The following ULK4 variants were observed in gnomAD, a reference collection of about 807,000 sequenced individuals.
The protein encoded by ULK4 is unc-51 like kinase 4.
A neutral mutation model predicts 160.6 loss-of-function variants in ULK4; 133 were observed. The observed-to-expected ratio is 0.83, with a 90% CI of 0.72 to 0.96. The LOEUF (loss-of-function observed/expected upper bound fraction) is 0.96, where lower values mean the gene tolerates loss of function less well. ULK4 is among the 40% of genes least tolerant of loss of function. ULK4 has a pLI of 0.00. For missense variants in ULK4, 1,580 were observed against 1,499.5 expected (o/e 1.05, Z -0.89); for synonymous variants, 534 against 539.8 (o/e 0.99, Z 0.15).
chr3:41,587,270 A>G (rs758427833), intron 31 of ULK4, among the ~76,000 whole-genome samples: 5 of 152,100 alleles, frequency 3.3e-5, no homozygotes, highest in Non-Finnish European at 7.4e-5. Context: ...TCCTTCTCAT[A>G]TTTTGAGTAT....
At position 41,919,756 on chromosome 3, in the gene ULK4, G is replaced by C. The variant is rs772637488; in HGVS notation, c.604C>G (p.Leu202Val). ...RGADFSISSD[L>V]WSLGCLLYEM... ...TAAAGCAGACAGCCCAAAGACCAGA[G>C]GTCACTGGAGATGGAAAAGTCAGCA... Residue 202 changes from leucine to valine, a missense_variant, in exon 6 of 37, where the codon CTC becomes GTC. Transcript: ENST00000301831. 8.1e-6 allele frequency: 13 copies of C among 1,614,128 alleles called. No homozygotes were observed. The South Asian group carries it at 1.4e-4, about 18-fold the overall frequency.
intron 22 of ULK4, among the ~76,000 whole-genome samples, chr3:41,736,016 T>G (rs1045170286): frequency 6.6e-6 from 1 of 151,770 alleles, no homozygotes; most frequent in Non-Finnish European, 1.5e-5. Context: ...ACAAAGGACA[T>G]GAACTCATCA....
intron 35 of ULK4, among the ~76,000 whole-genome samples, chr3:41,362,409 A>T (rs1394872870): frequency 6.6e-6 from 1 of 152,230 alleles, no homozygotes; most frequent in Non-Finnish European, 1.5e-5. Flanking sequence ...CATTCGAATC[A>T]GCAACACATT....
chr3:41,918,512 A>G lies in ULK4; in HGVS notation c.672T>C (p.Ile224=), dbSNP rs56044827. Reference sequence around the variant, plus strand: ...ATAAGATCTTTTCAGTTAATTCTGAAATACTTTCTGAGAAGAATGGAGGTT... The same window carrying G: ...ATAAGATCTTTTCAGTTAATTCTGAGATACTTTCTGAGAAGAATGGAGGTT... ...SGKPPFFSES[I]SELTEKILCE... Residue 224 remains isoleucine, a synonymous_variant, in exon 7 of 37, where the codon ATT becomes ATC. Coordinates refer to ENST00000301831, the MANE Select transcript of ULK4 (RefSeq NM_017886.4). 0.018 allele frequency: 28,535 copies of G among 1,589,532 alleles called. 305 individuals are homozygous for G. The highest frequency in any genetic ancestry group is 0.022 in the Non-Finnish European group (25,466 of 1,170,144).
chr3:41,453,928 C>T (rs1306792312), intron 34 of ULK4, among the ~76,000 whole-genome samples: 1 of 145,204 alleles, frequency 6.9e-6, no homozygotes, highest in Non-Finnish European at 1.5e-5. Flanking sequence ...ATCACAGGGA[C>T]AAAAAACCAA....
At chr3:41,303,586 T>C (rs1021556109) in intron 35 of ULK4, among the ~76,000 whole-genome samples, 1 of 152,178 alleles carries the variant, frequency 6.6e-6, no homozygotes, top group African/African-American at 2.4e-5. Context: ...CAAATGGAAG[T>C]GAGTTTCTGC....
intron 30 of ULK4, among the ~76,000 whole-genome samples, chr3:41,659,306 G>A (rs901657082): frequency 2.0e-5 from 3 of 152,044 alleles, no homozygotes; most frequent in South Asian, 2.1e-4. Flanking sequence ...GCAAAAATAC[G>A]GAACCCAGAC....
chr3:41,620,743 A>G (rs1469200784), intron 30 of ULK4, among the ~76,000 whole-genome samples: 6 of 152,172 alleles, frequency 3.9e-5, no homozygotes, highest in African/African-American at 1.4e-4. Context: ...CCTATTCAAC[A>G]TAGTATTGGA....
intron 21 of ULK4, among the ~76,000 whole-genome samples, chr3:41,758,981 C>A (rs1226378050): frequency 1.3e-5 from 2 of 152,020 alleles, no homozygotes; most frequent in Non-Finnish European, 1.5e-5. Context: ...AATTCAACAT[C>A]CATTCATGAT....
chr3:41,309,899 A>G (rs993370030), intron 35 of ULK4, among the ~76,000 whole-genome samples: 14 of 81,580 alleles, frequency 1.7e-4, no homozygotes, highest in East Asian at 4.3e-4. Context: ...CCTTTTAGGG[A>G]AAAAAAAAAA....
At chr3:41,842,928 G>C (rs745978944) in intron 17 of ULK4, among the ~76,000 whole-genome samples, 2 of 152,158 alleles carry the variant, frequency 1.3e-5, no homozygotes, top group African/African-American at 4.8e-5. Context: ...ATGGAGAAAA[G>C]TCAACTTTTT....
intron 29 of ULK4, among the ~76,000 whole-genome samples, chr3:41,680,513 T>G (rs1371774091): frequency 6.6e-6 from 1 of 152,198 alleles, no homozygotes; most frequent in African/African-American, 2.4e-5. Context: ...GGTTGAGTGC[T>G]TCATCTACAG....
chr3:41,737,027 G>C (rs954658792), intron 22 of ULK4, among the ~76,000 whole-genome samples: 2 of 151,744 alleles, frequency 1.3e-5, no homozygotes, highest in South Asian at 2.1e-4. Flanking sequence ...ATTTCTGAGG[G>C]CTCTGTTCTG....
At chr3:41,400,516 TTTC>T (rs1217269752) in intron 34 of ULK4, among the ~76,000 whole-genome samples, 5 of 152,234 alleles carry the variant, frequency 3.3e-5, no homozygotes, top group African/African-American at 1.2e-4. Context: ...CAATAGTTCA[TTTC>T]TTTTTATTAC....
chr3:41,609,313 G>C (rs1359930539), intron 31 of ULK4, among the ~76,000 whole-genome samples: 2 of 152,098 alleles, frequency 1.3e-5, no homozygotes. Flanking sequence ...TCAGAATAAA[G>C]TTATTGTTCA....
chr3:41,423,927 CA>C, intron 34 of ULK4, among the ~76,000 whole-genome samples: 1 of 152,150 alleles, frequency 6.6e-6, no homozygotes, highest in East Asian at 1.9e-4. Flanking sequence ...GCCCCAAGCA[CA>C]GAGTTTATAG....
chr3:41,788,171 G>A (rs1204307183), intron 21 of ULK4, among the ~76,000 whole-genome samples: 1 of 152,050 alleles, frequency 6.6e-6, no homozygotes, highest in Non-Finnish European at 1.5e-5. Flanking sequence ...GACAAGAAGT[G>A]GTTTACCTCT....
intron 22 of ULK4, among the ~76,000 whole-genome samples, chr3:41,719,948 T>C (rs1406612274): frequency 6.6e-6 from 1 of 152,132 alleles, no homozygotes; most frequent in Non-Finnish European, 1.5e-5. Context: ...TTAAATACAG[T>C]ACCTCCCCAT....
intron 35 of ULK4, among the ~76,000 whole-genome samples, chr3:41,272,353 T>G (rs1253269378): frequency 1.3e-5 from 2 of 149,380 alleles, no homozygotes; most frequent in Non-Finnish European, 1.5e-5. Flanking sequence ...GTTTTTTTTT[T>G]TTTTTTTTTT....
Sources: allele counts gnomAD v4.1 joint callset (sites outside exome capture counted in the v4.1 genomes callset), GRCh38; gene constraint gnomAD v4.1.1; transcripts MANE v1.5; gene names NCBI Gene and HGNC (gene_info 2026-07-23, HGNC 2026-07-21).